Variants in MYLK4 observed in about 807,000 individuals in gnomAD.
MYLK4 encodes myosin light chain kinase family member 4, also known as caMLCK like.
Under a neutral mutation model 48.1 loss-of-function variants are expected in MYLK4, and 46 were observed. The observed-to-expected ratio is 0.96, with a 90% CI of 0.75 to 1.22. The LOEUF (loss-of-function observed/expected upper bound fraction) is 1.22, where lower values mean the gene tolerates loss of function less well. Ranked by LOEUF, MYLK4 falls within the 50% of genes most tolerant of loss-of-function variation. MYLK4 has a pLI of 0.00. For synonymous variants in MYLK4, 170 were observed against 180.8 expected (o/e 0.94, Z 0.48); for missense variants, 451 against 486.1 (o/e 0.93, Z 0.68).
At chr6:2,768,471 G>C in the MYLK4 span, among the ~76,000 whole-genome samples, 1 of 152,356 alleles carries the variant, frequency 6.6e-6, no homozygotes, top group Middle Eastern at 3.4e-3. Context: ...GTCAGGATTA[G>C]CCTAAGGTTT....
chr6:2,680,329 C>A, intron 7 of MYLK4, 38 bp from the exon 8 acceptor site: 4 of 1,612,378 alleles, frequency 2.5e-6, no homozygotes, highest in Non-Finnish European at 3.4e-6. Context: ...ATGAAAACAA[C>A]CATCATTCAC....
At chr6:2,699,287 C>CTTTTCTTTTTTTTTTTTTTTTTTTTTT (rs1193027641) in intron 2 of MYLK4, among the ~76,000 whole-genome samples, 1 of 77,896 alleles carries the variant, frequency 1.3e-5, no homozygotes, top group East Asian at 4.9e-4. Flanking sequence ...CTTTTCTTTT[C>CTTTTCTTTTTTTTTTTTTTTTTTTTTT]TTTTTTTTTT....
At chr6:2,762,252 T>C in the MYLK4 span, among the ~76,000 whole-genome samples, 3 of 152,190 alleles carry the variant, frequency 2.0e-5, no homozygotes, top group African/African-American at 7.2e-5. Context: ...CCCATGACAA[T>C]ACTTTTGAAA....
the MYLK4 span, among the ~76,000 whole-genome samples, chr6:2,761,340 TTATAC>T: frequency 6.6e-6 from 1 of 152,210 alleles, no homozygotes; most frequent in Non-Finnish European, 1.5e-5. Context: ...TCCTGGGACC[TTATAC>T]TATACGAGTT....
chr6:2,736,994 C>G (rs1262113519), intron 2 of MYLK4, among the ~76,000 whole-genome samples: 3 of 152,222 alleles, frequency 2.0e-5, no homozygotes, highest in Non-Finnish European at 4.4e-5. Flanking sequence ...ATAGTCTCTG[C>G]CTTCTCTCAT....
intron 2 of MYLK4, among the ~76,000 whole-genome samples, chr6:2,699,289 T>TTC (rs1229319011): frequency 2.4e-5 from 2 of 83,556 alleles, no homozygotes; most frequent in East Asian, 2.7e-4. Context: ...TTTCTTTTCT[T>TTC]TTTTTTTTTT....
intron 2 of MYLK4, among the ~76,000 whole-genome samples, chr6:2,703,696 G>A (rs1211673310): frequency 2.2e-5 from 2 of 92,310 alleles, no homozygotes; most frequent in East Asian, 7.1e-4. Context: ...TTTTGAGACG[G>A]AGTCTTGCTG....
chr6:2,757,484 C>A, the MYLK4 span, among the ~76,000 whole-genome samples: 1 of 151,844 alleles, frequency 6.6e-6, no homozygotes, highest in African/African-American at 2.4e-5. Flanking sequence ...AGAAGTTTAC[C>A]TCAAAGAAAC....
At chr6:2,762,895 T>C in the MYLK4 span, among the ~76,000 whole-genome samples, 1 of 152,124 alleles carries the variant, frequency 6.6e-6, no homozygotes, top group Non-Finnish European at 1.5e-5. Context: ...CCTTCAGAAA[T>C]AAAGCTACAA....
intron 2 of MYLK4, among the ~76,000 whole-genome samples, chr6:2,705,919 G>GA (rs5873837): frequency 3.0e-4 from 43 of 144,650 alleles, no homozygotes; most frequent in South Asian, 4.4e-4. Flanking sequence ...GAATTCGGGG[G>GA]AAAAAAAAAA....
At chr6:2,765,900 A>G in the MYLK4 span, 1 of 1,455,232 alleles carries the variant, frequency 6.9e-7, no homozygotes. Context: ...GAGAGCAGCG[A>G]GGGCGAGGGT....
intron 2 of MYLK4, among the ~76,000 whole-genome samples, chr6:2,693,490 A>T (rs1047074168): frequency 6.6e-5 from 10 of 152,214 alleles, no homozygotes; most frequent in Admixed American, 1.3e-4. Flanking sequence ...GTGGATAAAC[A>T]TTCTTCTCAC....
chr6:2,765,876 C>T, the MYLK4 span: 6 of 1,447,432 alleles, frequency 4.1e-6, no homozygotes, highest in Admixed American at 2.4e-5. Context: ...CAGCCAGCCA[C>T]CCCGACGGCA....
chr6:2,746,626 G>C (rs1174340367), intron 2 of MYLK4, among the ~76,000 whole-genome samples: 1 of 152,182 alleles, frequency 6.6e-6, no homozygotes, highest in Non-Finnish European at 1.5e-5. Flanking sequence ...CTGAAATTCA[G>C]AGTACATTCT....
intron 2 of MYLK4, among the ~76,000 whole-genome samples, chr6:2,740,251 C>T (rs912681126): frequency 2.6e-5 from 4 of 152,210 alleles, no homozygotes; most frequent in East Asian, 1.9e-4. Context: ...CCTTGTCCTC[C>T]GCGCATGCTC....
At chr6:2,686,996 G>A (rs1234838939) in intron 4 of MYLK4, among the ~76,000 whole-genome samples, 1 of 152,108 alleles carries the variant, frequency 6.6e-6, no homozygotes, top group African/African-American at 2.4e-5. Context: ...TTGTGCAAGG[G>A]CCCTGAAGGT....
chr6:2,689,595 C>T (rs1015414319), intron 3 of MYLK4, among the ~76,000 whole-genome samples: 2 of 152,214 alleles, frequency 1.3e-5, no homozygotes, highest in Non-Finnish European at 2.9e-5. Flanking sequence ...TTTAAACGCT[C>T]GTCCACATCA....
chr6:2,679,628 C>T lies in MYLK4; in HGVS notation c.759-220G>A, dbSNP rs1761218545. The T allele has an allele frequency of 9.1e-6, 6 of 659,304 alleles. No individual in the cohort carries two copies. The South Asian group carries it at 1.0e-4, about 11-fold the overall frequency. The allele number at this position is 659,304 out of a possible 1,614,324, so 40.8% of individuals were successfully genotyped here. A position where few individuals can be genotyped will look rare whatever the true frequency, so the allele number is the denominator to read the frequency against. On this transcript the variant is annotated intron_variant, in intron 8 of 12. Coordinates refer to ENST00000274643, the MANE Select transcript of MYLK4 (RefSeq NM_001012418.5). The stretch of plus-strand genomic sequence containing the variant: ...AATTCATACTAGGAAACCTTAAAAG[C>T]TGAACCAGTTGTTGGAGAAGCTGCT...
intron 2 of MYLK4, among the ~76,000 whole-genome samples, chr6:2,713,285 G>A (rs1217521091): frequency 6.6e-6 from 1 of 151,708 alleles, no homozygotes; most frequent in Admixed American, 6.6e-5. Context: ...CAGGAGAATC[G>A]CTTGAACCCA....
Sources: gnomAD v4.1 joint callset for allele counts (sites outside exome capture counted in the v4.1 genomes callset) on GRCh38, gnomAD v4.1.1 for gene constraint, MANE v1.5 for transcripts, NCBI Gene and HGNC (gene_info 2026-07-23, HGNC 2026-07-21) for gene names.